Variants in TNC observed in about 807,000 individuals in gnomAD.
The protein encoded by TNC is tenascin C, also known as tenascin.
Under a neutral mutation model 202.4 loss-of-function variants are expected in TNC, and 109 were observed. The observed-to-expected ratio is 0.54, with a 90% CI of 0.46 to 0.63. The LOEUF (loss-of-function observed/expected upper bound fraction) is 0.63, where lower values mean the gene tolerates loss of function less well. Ranked by LOEUF, TNC falls within the 30% of genes least tolerant of loss-of-function variation. TNC has a pLI of 0.00. For missense variants in TNC, 2,756 were observed against 2,833.3 expected, an observed-to-expected ratio of 0.97 and a Z score of 0.62; for synonymous variants, 1,007 against 1,089.7, an observed-to-expected ratio of 0.92 and a Z score of 1.50.
rs144004485 is a variant in TNC at position 115,063,846 on chromosome 9, C to T, written c.3710G>A (p.Gly1237Glu). 2.5e-6 allele frequency: 4 copies of T among 1,613,970 alleles called. No individual in the cohort carries two copies. The African/African-American group carries it at 5.3e-5, about 22-fold the overall frequency. Residue 1237 changes from glycine (G) to glutamate (E), a missense_variant, in exon 12 of 28, where the codon GGG (glycine) becomes GAG (glutamate). Around this residue, in one of 2 missense-constraint regions of TNC, gnomAD observed 2,559 missense variants for 2,546.0 expected, o/e 1.01. Coordinates refer to ENST00000350763, the MANE Select transcript of TNC (RefSeq NM_002160.4). ...GGTTGTGCTGAAGTCCTGAGTGACC[C>T]CGCGGATGGTGATGGTATAATGAGT... ...AATHYTITIRGVTQDFSTTPL... is the reference protein window; with the variant it reads ...AATHYTITIREVTQDFSTTPL...
intron 22 of TNC, 31 bp downstream of exon 22, chr9:115,035,173 G>A (rs1374805813): frequency 5.1e-6 from 8 of 1,573,538 alleles, no homozygotes; most frequent in Non-Finnish European, 6.0e-6. Flanking sequence ...GCTTCAACTA[G>A]CATTGAGGAG....
intron 15 of TNC, among the ~76,000 whole-genome samples, chr9:115,049,990 C>T (rs760979118): frequency 3.1e-4 from 47 of 152,064 alleles, no homozygotes; most frequent in Admixed American, 2.0e-4. Context: ...CAGTTTTTTC[C>T]ACGTAAAGAT....
chr9:115,030,553 G>A (rs1829871115), intron 23 of TNC, 148 bp from the exon 24 acceptor site: 3 of 945,190 alleles, frequency 3.2e-6, no homozygotes, highest in South Asian at 2.0e-5. Context: ...ATAGAAATGG[G>A]CAATCTTGGA....
chr9:115,070,698 C>T (rs545770013), intron 10 of TNC, among the ~76,000 whole-genome samples: 1 of 152,336 alleles, frequency 6.6e-6, no homozygotes, highest in South Asian at 2.1e-4. Flanking sequence ...TGAGTGGCGC[C>T]TGGCAGGCTT....
chr9:115,105,419 T>G (rs1836538846), intron 1 of TNC, among the ~76,000 whole-genome samples: 1 of 152,176 alleles, frequency 6.6e-6, no homozygotes. Flanking sequence ...TCTGAGGTAG[T>G]TGTCTTTATT....
At chr9:115,022,527 T>C (rs1373422778) in intron 27 of TNC, among the ~76,000 whole-genome samples, 1 of 151,968 alleles carries the variant, frequency 6.6e-6, no homozygotes, top group African/African-American at 2.4e-5. Flanking sequence ...CATAATTGAA[T>C]GGAAGGATGA....
intron 15 of TNC, 100 bp from the exon 16 acceptor site, chr9:115,048,632 A>G: frequency 8.2e-7 from 1 of 1,221,878 alleles, no homozygotes; most frequent in East Asian, 2.4e-5. Flanking sequence ...CAAGTCCATC[A>G]TTCAATTTGT....
intron 26 of TNC, among the ~76,000 whole-genome samples, chr9:115,026,067 C>T (rs1318606419): frequency 6.6e-6 from 1 of 152,196 alleles, no homozygotes; most frequent in Non-Finnish European, 1.5e-5. Context: ...GCTATATTGG[C>T]ATCACCAGGG....
intron 2 of TNC, 96 bp from the exon 3 acceptor site, chr9:115,087,369 C>G: frequency 8.1e-7 from 1 of 1,240,526 alleles, no homozygotes; most frequent in Non-Finnish European, 1.1e-6. Flanking sequence ...AGCTGAAGGA[C>G]GGTTGCACCC....
chr9:115,091,025 G>A lies in TNC; in HGVS notation c.-7C>T, dbSNP rs766256883. 2.6e-5 allele frequency: 42 copies of A among 1,606,750 alleles called. No homozygotes were observed. The East Asian group carries it at 4.0e-4, about 15-fold the overall frequency. On this transcript the variant is annotated 5_prime_UTR_variant, in exon 2 of 28. Coordinates refer to ENST00000350763, the MANE Select transcript of TNC (RefSeq NM_002160.4). ...GCTGAGTCATGGCCCCCATGGTGGA[G>A]GTGGGTTTGGCTGGGTGCTGCTGGG...
chr9:115,086,307 T>C lies in TNC; in HGVS notation c.1424A>G (p.His475Arg). Residue 475 changes from histidine to arginine, a missense_variant, in exon 3 of 28, where the codon CAC (histidine) becomes CGC (arginine). His to Arg is a conservative substitution (Grantham distance 29). Coordinates refer to ENST00000350763, the MANE Select transcript of TNC (RefSeq NM_002160.4). ...GCCATTCACACAGCGGCCGTGCTGG[T>C]GACAGTCATTAGGGCAGCTCATGTC... ...CSDMSCPNDC[H>R]QHGRCVNGMC... 1 of 1,614,032 alleles carries C rather than the reference T, an allele frequency of 6.2e-7. No individual in the cohort carries two copies. The highest frequency in any genetic ancestry group is 2.2e-5 in the East Asian group (1 of 44,900).
At position 115,046,009 on chromosome 9, in the gene TNC, G is replaced by C. The variant is rs747470726; in HGVS notation, c.5125+401C>G. Among the ~76,000 whole-genome samples, 71 of 151,838 alleles carry C rather than the reference G, an allele frequency of 4.7e-4. 2 individuals carry two copies. Among genetic ancestry groups the C allele is most frequent in the Non-Finnish European group, 2.1e-4 (14 of 67,992 alleles). On this transcript the variant is annotated intron_variant, in intron 17 of 27. Transcript: ENST00000350763. ...AGTGTATCTCTGGATAAAATGATGAGATATGATATGATGAGATGAGATATG... is the reference window on the plus strand; with the variant it reads ...AGTGTATCTCTGGATAAAATGATGACATATGATATGATGAGATGAGATATG...
intron 8 of TNC, 32 bp downstream of exon 8, chr9:115,076,358 C>G: frequency 3.1e-6 from 5 of 1,609,924 alleles, no homozygotes; most frequent in Non-Finnish European, 4.2e-6. Flanking sequence ...CTAGGGCTGG[C>G]TGGCTCAGGC....
At chr9:115,028,650 C>G (rs146082434) in intron 25 of TNC, among the ~76,000 whole-genome samples, 1 of 151,838 alleles carries the variant, frequency 6.6e-6, no homozygotes, top group African/African-American at 2.4e-5. Flanking sequence ...AACTGAAAGC[C>G]GAGTCATGGG....
chr9:115,099,567 G>T (rs1275842496), intron 1 of TNC, among the ~76,000 whole-genome samples: 1 of 152,182 alleles, frequency 6.6e-6, no homozygotes, highest in African/African-American at 2.4e-5. Flanking sequence ...TTTTGGTTGT[G>T]TAACATTGCC....
Position 115,042,190 on chromosome 9 carries a change from CCT to C in TNC, c.5248+27_5248+28del, listed in dbSNP as rs1412149302. ...ATCCATCCAAACCCACAACACTCCT[CCT>C]CTCTCTCCCCTTTCCGAGTCTCCTA... On this transcript the variant is annotated intron_variant, in intron 18 of 27. Coordinates refer to ENST00000350763, the MANE Select transcript of TNC (RefSeq NM_002160.4). 3.7e-6 allele frequency: 6 copies of C among 1,609,198 alleles called. No individual in the cohort carries two copies. In the African/African-American group the frequency reaches 8.0e-5, roughly 22 times the overall value.
rs144997840 is a variant in TNC, at chr9:115,058,864, C to T, written c.4306+866G>A. Among the ~76,000 whole-genome samples, 57 of 152,198 alleles carry T rather than the reference C, an allele frequency of 3.7e-4. No homozygotes were observed. In the East Asian group the frequency reaches 0.011, roughly 29 times the overall value. On this transcript the variant is annotated intron_variant, in intron 14 of 27. Transcript: ENST00000350763. ...AGGAAGGCTGCTGACTTTGGCAGGC[C>T]CCCGGGAAACACTGAAGTCTTGTAA...
intron 19 of TNC, among the ~76,000 whole-genome samples, chr9:115,040,000 C>T (rs1830611094): frequency 6.6e-6 from 1 of 152,112 alleles, no homozygotes; most frequent in Non-Finnish European, 1.5e-5. Flanking sequence ...TCTTTGTATC[C>T]CTTAATGAGT....
intron 6 of TNC, among the ~76,000 whole-genome samples, chr9:115,079,592 C>T (rs1056568262): frequency 3.9e-5 from 6 of 152,182 alleles, no homozygotes; most frequent in Non-Finnish European, 8.8e-5. Context: ...ATAGCAGAAA[C>T]TAACAATGCT....
Sources: gnomAD v4.1 joint callset for allele counts (sites outside exome capture counted in the v4.1 genomes callset) on GRCh38, gnomAD v4.1.1 for gene constraint, gnomAD v4.1.1 regional missense constraint, MANE v1.5 for transcripts, NCBI Gene and HGNC (gene_info 2026-07-23, HGNC 2026-07-21) for gene names.